The following OLFM2 variants were observed in gnomAD, a reference collection of about 807,000 sequenced individuals.
The protein encoded by OLFM2 is olfactomedin 2.
OLFM2 carries 20 observed loss-of-function variants against 43.9 expected under a neutral mutation model. The ratio of observed to expected loss-of-function variants is 0.46; its 90% confidence interval spans 0.32 to 0.66. The LOEUF is 0.66. OLFM2 is among the 30% of genes least tolerant of loss of function. The pLI is 0.04. For synonymous variants in OLFM2, 268 were observed against 278.6 expected (o/e 0.96, Z 0.38); for missense variants, 416 against 643.6 (o/e 0.65, Z 3.83).
At chr19:9,889,748 C>T (rs1017263544) in intron 1 of OLFM2, among the ~76,000 whole-genome samples, 2 of 152,084 alleles carry the variant, frequency 1.3e-5, no homozygotes, top group South Asian at 2.1e-4. Context: ...AATGCACTGG[C>T]GGATGGGAAA....
At chr19:9,904,894 C>A (rs1276104678) in intron 1 of OLFM2, among the ~76,000 whole-genome samples, 1 of 152,036 alleles carries the variant, frequency 6.6e-6, no homozygotes, top group African/African-American at 2.4e-5. Context: ...TGGTGCACAC[C>A]TGTAGTCCCA....
At chr19:9,889,732 T>C (rs1030632407) in intron 1 of OLFM2, among the ~76,000 whole-genome samples, 5 of 152,184 alleles carry the variant, frequency 3.3e-5, no homozygotes, top group Middle Eastern at 3.4e-3. Context: ...TGCGTGTGTG[T>C]GCGCCAATGC....
chr19:9,864,226 A>G (rs2046384078), intron 1 of OLFM2, among the ~76,000 whole-genome samples: 1 of 152,224 alleles, frequency 6.6e-6, no homozygotes, highest in African/African-American at 2.4e-5. Context: ...CTTCCAGGGC[A>G]ACCCATTAGA....
intron 1 of OLFM2, among the ~76,000 whole-genome samples, chr19:9,905,309 T>C (rs969165030): frequency 6.6e-6 from 1 of 151,864 alleles, no homozygotes; most frequent in Non-Finnish European, 1.5e-5. Flanking sequence ...TACAAAAAAT[T>C]AGCCGGGCGT....
chr19:9,924,103 CA>C (rs1047796253), intron 1 of OLFM2, among the ~76,000 whole-genome samples: 812 of 20,744 alleles, frequency 0.039, 2 homozygotes, highest in Middle Eastern at 0.059. Flanking sequence ...CTCGTCTCTA[CA>C]AAAAAAAAAA....
chr19:9,857,014 C>A lies in OLFM2; in HGVS notation c.581-101G>T. The stretch of plus-strand genomic sequence containing the variant: ...GTGATCAAGTTGGGAAAGCTGGGAC[C>A]AGGGATGAGGGAAGACTCAAAAATC... On this transcript the variant is annotated intron_variant, in intron 4 of 5. Transcript: ENST00000264833. This position sits in a 1 kb window ranked among gnomAD's most constrained non-coding sequence, Gnocchi z 5.7. The A allele has an allele frequency of 9.4e-7, 1 of 1,066,774 alleles. No homozygotes were observed. The allele number at this position is 1,066,774 out of a possible 1,614,324, so 66.1% of individuals were successfully genotyped here.
At chr19:9,922,089 G>C (rs1165647349) in intron 1 of OLFM2, among the ~76,000 whole-genome samples, 2 of 144,658 alleles carry the variant, frequency 1.4e-5, no homozygotes, top group African/African-American at 5.3e-5. Flanking sequence ...GTGAGACCCT[G>C]TCTCAAAAAA....
chr19:9,860,355 G>A (rs369329901), intron 2 of OLFM2, among the ~76,000 whole-genome samples: 1 of 151,546 alleles, frequency 6.6e-6, no homozygotes, highest in Non-Finnish European at 1.5e-5. Context: ...CATGTCTGTA[G>A]TCCCAGCTAC....
At chr19:9,891,249 G>T (rs1461510255) in intron 1 of OLFM2, among the ~76,000 whole-genome samples, 1 of 150,166 alleles carries the variant, frequency 6.7e-6, no homozygotes, top group South Asian at 2.1e-4. Context: ...GGAGGCAGAG[G>T]TTGCAGTGAG....
chr19:9,913,790 C>T, intron 1 of OLFM2: 2 of 514,816 alleles, frequency 3.9e-6, no homozygotes, highest in Non-Finnish European at 5.0e-6. Context: ...CTCGGGGACG[C>T]GGGCTGCGGC....
At chr19:9,874,160 T>C (rs1411156296) in intron 1 of OLFM2, among the ~76,000 whole-genome samples, 1 of 152,118 alleles carries the variant, frequency 6.6e-6, no homozygotes, top group African/African-American at 2.4e-5. Flanking sequence ...GTTTTCCCAC[T>C]TGAGTGCTTT....
At position 9,854,279 on chromosome 19, in the gene OLFM2, G is replaced by A; in HGVS notation, c.1272C>T (p.Pro424=). Residue 424 remains proline, a synonymous_variant, in exon 6 of 6, where the codon CCC becomes CCT. Transcript: ENST00000264833. The surrounding 1 kb of genome is among the most constrained non-coding windows in gnomAD (Gnocchi z 9.5). Reference sequence around the variant, plus strand: ...TCCAGGTATAGAGGGCGCGCTCCCGGGGGTTGTAATCCAGCATCGAGATGT... The same window carrying A: ...TCCAGGTATAGAGGGCGCGCTCCCGAGGGTTGTAATCCAGCATCGAGATGT... ...YSHISMLDYN[P]RERALYTWNN... The A allele has an allele frequency of 6.2e-7, 1 of 1,614,156 alleles. No individual in the cohort carries two copies. The highest frequency in any genetic ancestry group is 8.5e-7 in the Non-Finnish European group (1 of 1,180,022).
intron 1 of OLFM2, chr19:9,913,445 C>T (rs948337304): frequency 9.7e-7 from 1 of 1,027,120 alleles, no homozygotes; most frequent in East Asian, 7.2e-5. Flanking sequence ...GCGGGTACCA[C>T]GCCCCCCGGG....
chr19:9,881,511 T>C (rs563763000), intron 1 of OLFM2, among the ~76,000 whole-genome samples: 2 of 152,194 alleles, frequency 1.3e-5, no homozygotes, highest in East Asian at 3.9e-4. Context: ...CTCACAGTTC[T>C]GGAGGCCGGA....
chr19:9,861,543 C>T (rs2046365408), intron 1 of OLFM2, among the ~76,000 whole-genome samples: 1 of 152,192 alleles, frequency 6.6e-6, no homozygotes, highest in South Asian at 2.1e-4. Flanking sequence ...TGATGGCAGA[C>T]AAAATGCTCA....
chr19:9,890,369 G>C (rs7260192), intron 1 of OLFM2, among the ~76,000 whole-genome samples: 25 of 151,730 alleles, frequency 1.6e-4, no homozygotes, highest in African/African-American at 5.8e-4. Context: ...GAAGACTCTG[G>C]GGGGAGGGGG....
At chr19:9,920,743 A>C (rs1482359319) in intron 1 of OLFM2, among the ~76,000 whole-genome samples, 2 of 119,916 alleles carry the variant, frequency 1.7e-5, no homozygotes, top group Non-Finnish European at 3.0e-5. Flanking sequence ...TAAACATACA[A>C]AAAAAAAAAA....
chr19:9,854,414 C>A lies in OLFM2; in HGVS notation c.1137G>T (p.Val379=). 6.2e-7 allele frequency: 1 copy of A among 1,614,190 alleles called. No homozygotes were observed. The highest frequency in any genetic ancestry group is 1.1e-5 in the South Asian group (1 of 91,092). Residue 379 remains valine (V), a synonymous_variant, in exon 6 of 6, where the codon GTG becomes GTT. Transcript: ENST00000264833. This position sits in a 1 kb window ranked among gnomAD's most constrained non-coding sequence, Gnocchi z 9.5. ...SAGEAFMICG[V]LYVTNSHLAG... Reference sequence around the variant, plus strand: ...CCAGGTGGGAGTTGGTCACGTAGAGCACACCGCAGATCATGAAGGCCTCGC... The same window carrying A: ...CCAGGTGGGAGTTGGTCACGTAGAGAACACCGCAGATCATGAAGGCCTCGC...
At chr19:9,913,507 G>T in intron 1 of OLFM2, 1 of 1,157,012 alleles carries the variant, frequency 8.6e-7, no homozygotes, top group Non-Finnish European at 1.1e-6. Flanking sequence ...CGCCCGCACG[G>T]GACACGGTGC....
Sources: gnomAD v4.1 joint callset for allele counts (sites outside exome capture counted in the v4.1 genomes callset) on GRCh38, gnomAD v4.1.1 for gene constraint, Gnocchi (gnomAD v3.1) non-coding constraint, MANE v1.5 for transcripts, NCBI Gene and HGNC (gene_info 2026-07-23, HGNC 2026-07-21) for gene names.